Variants in DOT1L observed in about 807,000 individuals in gnomAD.
DOT1L encodes DOT1 like histone lysine methyltransferase, also known as histone-lysine N-methyltransferase, H3 lysine-79 specific.
In DOT1L, 33 loss-of-function variants were observed where a neutral mutation model predicts 153.3. That is an observed-to-expected ratio of 0.22 (90% confidence interval 0.16 to 0.29). The LOEUF is 0.29. DOT1L is among the 10% of genes least tolerant of loss of function. The pLI is 1.00. For synonymous variants in DOT1L, 1,135 were observed against 965.1 expected, an observed-to-expected ratio of 1.18 and a Z score of -3.26; for missense variants, 1,847 against 2,119.9, an observed-to-expected ratio of 0.87 and a Z score of 2.53.
chr19:2,167,961 C>T (rs1266248086), intron 1 of DOT1L, among the ~76,000 whole-genome samples: 1 of 152,166 alleles, frequency 6.6e-6, no homozygotes, highest in Non-Finnish European at 1.5e-5. Flanking sequence ...TCTCAAACTC[C>T]TGACCTCAGG....
intron 3 of DOT1L, among the ~76,000 whole-genome samples, chr19:2,186,235 C>T (rs977009338): frequency 5.9e-5 from 9 of 152,250 alleles, no homozygotes; most frequent in Non-Finnish European, 7.3e-5. Context: ...GCCAGAAGTC[C>T]GCGTTCCTGC....
chr19:2,201,666 A>G (rs1159196752), intron 8 of DOT1L, among the ~76,000 whole-genome samples: 1 of 152,154 alleles, frequency 6.6e-6, no homozygotes, highest in Non-Finnish European at 1.5e-5. Flanking sequence ...TGGTGGTGGG[A>G]GCGCAGGGGG....
chr19:2,222,059 A>C lies in DOT1L; in HGVS notation c.2890A>C (p.Thr964Pro). The change falls in exon 24 of 28, where the codon ACC becomes CCC. Residue 964 changes from threonine (T) to proline (P), a missense_variant. By Grantham distance (38) the Thr-to-Pro change is conservative. Coordinates refer to ENST00000398665, the MANE Select transcript of DOT1L (RefSeq NM_032482.3). The surrounding 1 kb of genome is among the most constrained non-coding windows in gnomAD (Gnocchi z 6.5). ...TCTCACACCTGGAGCCGAGCCGGCC[A>C]CCTTGGATGAGTCCTCCAGCTCTGG... ...ASLTPGAEPA[T>P]LDESSSSGSL... 2 of 1,613,168 alleles carry C rather than the reference A, an allele frequency of 1.2e-6. No individual in the cohort carries two copies. Among genetic ancestry groups the C allele is most frequent in the Non-Finnish European group, 1.7e-6 (2 of 1,179,856 alleles).
Position 2,197,119 on chromosome 19 carries a change from T to C in DOT1L, c.651+2542T>C, listed in dbSNP as rs1423201684. Reference sequence around the variant, plus strand: ...GGAGCCGTGGCCTGCGGTGCTTCCTTGCGGCCACGCCTGTCTGGTTTGGTC... The same window carrying C: ...GGAGCCGTGGCCTGCGGTGCTTCCTCGCGGCCACGCCTGTCTGGTTTGGTC... On this transcript the variant is annotated intron_variant, in intron 7 of 27. Coordinates refer to ENST00000398665, the MANE Select transcript of DOT1L (RefSeq NM_032482.3). The surrounding 1 kb of genome is among the most constrained non-coding windows in gnomAD (Gnocchi z 4.1). Among the ~76,000 whole-genome samples the C allele has an allele frequency of 6.6e-6, 1 of 152,016 alleles. No homozygotes were observed. The highest frequency in any genetic ancestry group is 1.5e-5 in the Non-Finnish European group (1 of 67,980).
At position 2,227,095 on chromosome 19, in the gene DOT1L, G is replaced by C. The variant is rs2024381756; in HGVS notation, c.4574G>C (p.Ser1525Thr). The change falls in exon 27 of 28, where the codon AGC becomes ACC. Residue 1525 changes from serine to threonine, a missense_variant. Transcript: ENST00000398665. ...TRLTNSHAMG[S>T]FSGVAGGTVG... ...CTGACCAACTCGCACGCCATGGGCAGCTTTTCCGGGGTGGCAGGCGGCACA... is the reference window on the plus strand; with the variant it reads ...CTGACCAACTCGCACGCCATGGGCACCTTTTCCGGGGTGGCAGGCGGCACA... 2 of 1,559,076 alleles carry C rather than the reference G, an allele frequency of 1.3e-6. No homozygotes were observed. Among genetic ancestry groups the C allele is most frequent in the South Asian group, 1.2e-5 (1 of 86,394 alleles).
rs2023075703 is a variant in DOT1L, at chr19:2,197,574, G to T, written c.652-2310G>T. Among the ~76,000 whole-genome samples, 2 of 152,216 alleles carry T rather than the reference G, an allele frequency of 1.3e-5. No individual in the cohort carries two copies. The highest frequency in any genetic ancestry group is 1.3e-4 in the Admixed American group (2 of 15,284). On this transcript the variant is annotated intron_variant, in intron 7 of 27. Transcript: ENST00000398665. This position sits in a 1 kb window ranked among gnomAD's most constrained non-coding sequence, Gnocchi z 4.1. The stretch of plus-strand genomic sequence containing the variant: ...CCTGCCTCCTGGGGCCTGGGTCCAT[G>T]ACACGGCTGAGCAGCATGGTGTCTA...
At position 2,222,890 on chromosome 19, in the gene DOT1L, AAC is replaced by A. The variant is rs1205579422; in HGVS notation, c.3390+335_3390+336del. On this transcript the variant is annotated intron_variant, in intron 24 of 27. Transcript: ENST00000398665. The surrounding 1 kb of genome is among the most constrained non-coding windows in gnomAD (Gnocchi z 6.5). ...ACTCCCTCTCGGGGGGACAAAAAAA[AAC>A]ACAAAAAAAAACAGGTGGAGGCAGG... The A allele has an allele frequency of 4.3e-5, 17 of 395,300 alleles. No homozygotes were observed. Among genetic ancestry groups the A allele is most frequent in the East Asian group, 2.1e-4 (5 of 23,398 alleles). The allele number at this position is 395,300 out of a possible 1,614,324, so 24.5% of individuals were successfully genotyped here.
At chr19:2,196,424 C>T (rs1405482511) in intron 7 of DOT1L, among the ~76,000 whole-genome samples, 1 of 152,246 alleles carries the variant, frequency 6.6e-6, no homozygotes, top group Non-Finnish European at 1.5e-5. Flanking sequence ...CCTCCGCCCC[C>T]TGGGTTCAAG....
chr19:2,186,595 G>A (rs927983480), intron 3 of DOT1L, among the ~76,000 whole-genome samples: 9 of 152,240 alleles, frequency 5.9e-5, no homozygotes, highest in African/African-American at 1.2e-4. Flanking sequence ...AGAGGGCCAC[G>A]CGGCTGCACT....
chr19:2,184,087 C>T (rs950073212), intron 2 of DOT1L, among the ~76,000 whole-genome samples: 4 of 152,196 alleles, frequency 2.6e-5, no homozygotes, highest in Non-Finnish European at 5.9e-5. Context: ...GAGTGAAGAC[C>T]GTGCGGCCGC....
chr19:2,182,021 G>A (rs1033134887), intron 2 of DOT1L, among the ~76,000 whole-genome samples: 5 of 152,082 alleles, frequency 3.3e-5, no homozygotes, highest in African/African-American at 1.2e-4. Flanking sequence ...CCAGGAGTTC[G>A]AGACTGGCCT....
Position 2,191,164 on chromosome 19 carries a change from C to G in DOT1L, c.417C>G (p.Thr139=). 6.2e-7 allele frequency: 1 copy of G among 1,613,710 alleles called. No individual in the cohort carries two copies. ...EPFSPEVYGE[T]SFDLVAQMID... ...TCTCCCCCGAGGTGTACGGGGAGACCTCCTTCGACCTGGTGGCCCAGATGA... is the reference window on the plus strand; with the variant it reads ...TCTCCCCCGAGGTGTACGGGGAGACGTCCTTCGACCTGGTGGCCCAGATGA... Residue 139 remains threonine (T), a synonymous_variant, in exon 5 of 28, where the codon ACC becomes ACG. Transcript: ENST00000398665. This position sits in a 1 kb window ranked among gnomAD's most constrained non-coding sequence, Gnocchi z 6.8.
Position 2,221,929 on chromosome 19 carries a change from C to T in DOT1L, c.2807-47C>T, listed in dbSNP as rs766353396. On this transcript the variant is annotated intron_variant, in intron 23 of 27. Transcript: ENST00000398665. ...TGGTGCTCCCACAGCAAGGCTTTCT[C>T]TTTGGCCATCCTGTGTCCCCTGAGA... 3.3e-6 allele frequency: 5 copies of T among 1,526,996 alleles called. No individual in the cohort carries two copies. The South Asian group carries it at 5.0e-5, about 15-fold the overall frequency. The allele number at this position is 1,526,996 out of a possible 1,614,324, so 94.6% of individuals were successfully genotyped here.
chr19:2,210,081 G>A (rs1401564736), intron 12 of DOT1L, among the ~76,000 whole-genome samples: 1 of 152,216 alleles, frequency 6.6e-6, no homozygotes, highest in African/African-American at 2.4e-5. Flanking sequence ...CTGCCTGAGG[G>A]GCTTCTCGTC....
At position 2,207,817 on chromosome 19, in the gene DOT1L, C is replaced by A; in HGVS notation, c.963+137C>A. 1 of 776,118 alleles carries A rather than the reference C, an allele frequency of 1.3e-6. No homozygotes were observed. Among genetic ancestry groups the A allele is most frequent in the South Asian group, 1.8e-5 (1 of 55,122 alleles). 48.1% of individuals were successfully genotyped at this position (776,118 alleles called of 1,614,324 possible). On this transcript the variant is annotated intron_variant, in intron 11 of 27. Transcript: ENST00000398665. This position sits in a 1 kb window ranked among gnomAD's most constrained non-coding sequence, Gnocchi z 4.5. ...CTCAACGCCCCCCGGCCCCTGAGCT[C>A]AGGCCCAGCTCCTCAAGGCCCCTCA... is the stretch of plus-strand genomic sequence containing the variant.
Position 2,190,974 on chromosome 19 carries a change from G to A in DOT1L, c.265-38G>A, listed in dbSNP as rs374871901. Reference sequence around the variant, plus strand: ...TGGTGGTGGAGGGGCTGGGCCGTGAGGTTTATGTGACATGGCCGGGCCACC... The same window carrying A: ...TGGTGGTGGAGGGGCTGGGCCGTGAAGTTTATGTGACATGGCCGGGCCACC... On this transcript the variant is annotated intron_variant, in intron 4 of 27. Coordinates refer to ENST00000398665, the MANE Select transcript of DOT1L (RefSeq NM_032482.3). The surrounding 1 kb of genome is among the most constrained non-coding windows in gnomAD (Gnocchi z 4.8). 59 of 1,549,804 alleles carry A rather than the reference G, an allele frequency of 3.8e-5. No homozygotes were observed. In the African/African-American group the frequency reaches 6.7e-4, roughly 18 times the overall value.
intron 12 of DOT1L, among the ~76,000 whole-genome samples, chr19:2,209,890 C>T (rs917024837): frequency 9.2e-5 from 14 of 152,328 alleles, no homozygotes; most frequent in African/African-American, 3.1e-4. Flanking sequence ...TGGGTCTTCC[C>T]TGGAGAGCAG....
chr19:2,218,756 G>A (rs934256145), intron 22 of DOT1L, among the ~76,000 whole-genome samples: 2 of 151,732 alleles, frequency 1.3e-5, no homozygotes, highest in African/African-American at 4.8e-5. Context: ...GAGTGCAATT[G>A]TGTGATCTCG....
rs2023810633 is a variant in DOT1L at position 2,214,002 on chromosome 19, C to A, written c.1797+16C>A. 1 of 1,610,554 alleles carries A rather than the reference C, an allele frequency of 6.2e-7. No homozygotes were observed. Among genetic ancestry groups the A allele is most frequent in the African/African-American group, 1.3e-5 (1 of 74,896 alleles). ...CTTGCAGCTGGTGGGTGCCGCGGCG[C>A]AAGGACAGGGACGTGGAACCAGAGG... On this transcript the variant is annotated intron_variant, in intron 18 of 27. Transcript: ENST00000398665.
Sources: allele counts gnomAD v4.1 joint callset (sites outside exome capture counted in the v4.1 genomes callset), GRCh38; gene constraint gnomAD v4.1.1; non-coding constraint Gnocchi (gnomAD v3.1); transcripts MANE v1.5; gene names NCBI Gene and HGNC (gene_info 2026-07-23, HGNC 2026-07-21).